PCDHGC3: variants seen among roughly 807,000 people sequenced by gnomAD.
PCDHGC3 encodes protocadherin gamma-C3.
PCDHGC3 carries 26 observed loss-of-function variants against 59.2 expected under a neutral mutation model. The ratio of observed to expected loss-of-function variants is 0.44; its 90% CI spans 0.32 to 0.61. The LOEUF is 0.61. PCDHGC3 is among the 20% of genes least tolerant of loss of function. The pLI is 0.05. For synonymous variants in PCDHGC3, 487 were observed against 519.7 expected (o/e 0.94, Z 0.86); for missense variants, 1,080 against 1,221.8 (o/e 0.88, Z 1.73).
chr5:141,501,381 T>A (rs1261533671), intron 2 of PCDHGC3, among the ~76,000 whole-genome samples: 4 of 151,750 alleles, frequency 2.6e-5, no homozygotes, highest in African/African-American at 9.7e-5. Flanking sequence ...TCTTAAATCC[T>A]AGGTCCTGTC....
At chr5:141,498,980 GGAAGGAA>G in intron 2 of PCDHGC3, among the ~76,000 whole-genome samples, 1 of 44,970 alleles carries the variant, frequency 2.2e-5, no homozygotes, top group South Asian at 1.0e-3. Context: ...AGGGAAGGAA[GGAAGGAA>G]GGAAGGAAGG....
chr5:141,510,252 G>A (rs1342841474), intron 3 of PCDHGC3, among the ~76,000 whole-genome samples: 4 of 148,432 alleles, frequency 2.7e-5, no homozygotes, highest in Admixed American at 1.3e-4. Context: ...CAGGCTGGGC[G>A]ACAGAGCAGG....
chr5:141,490,030 C>G lies in PCDHGC3; in HGVS notation c.2431-4777C>G, dbSNP rs1361758608. The G allele has an allele frequency of 1.2e-6, 2 of 1,614,150 alleles. No individual in the cohort carries two copies. Among genetic ancestry groups the G allele is most frequent in the African/African-American group, 2.7e-5 (2 of 74,936 alleles). The stretch of plus-strand genomic sequence containing the variant: ...ACCCATTGGTACTCTGCTGCTCCGC[C>G]TCAATGCCACTGATCCAGACGAGGG... On this transcript the variant is annotated intron_variant, in intron 1 of 3. Coordinates refer to ENST00000308177, the MANE Select transcript of PCDHGC3 (RefSeq NM_002588.4). This position sits in a 1 kb window ranked among gnomAD's most constrained non-coding sequence, Gnocchi z 5.4.
In PCDHGC3 at chr5:141,511,351, C is replaced by A. The variant is rs1190324197; in HGVS notation, c.*178C>A. 11 of 1,386,432 alleles carry A rather than the reference C, an allele frequency of 7.9e-6. No individual in the cohort carries two copies. Among genetic ancestry groups the A allele is most frequent in the South Asian group, 4.5e-5 (3 of 67,158 alleles). The allele number at this position is 1,386,432 out of a possible 1,614,324, so 85.9% of individuals were successfully genotyped here. On this transcript the variant is annotated 3_prime_UTR_variant, in exon 4 of 4. Transcript: ENST00000308177. ...CCAGTCAGCACCTACCCCTTCCCCC[C>A]CAGGGGGTTGAATATGCAAAAGCAG...
Position 141,478,019 on chromosome 5 carries a change from C to T in PCDHGC3, c.1903C>T (p.Gln635Ter). The change falls in exon 1 of 4, where the codon CAA becomes TAA. Residue 635 changes from glutamine (Q) to a stop codon, truncating the protein, a stop_gained. Transcript: ENST00000308177. LOFTEE classifies it high-confidence loss of function. ...TGQISTARPV[Q>*]DTDSPRQTLT... ...TCAAATCAGTACTGCCCGTCCAGTCCAAGACACAGATTCACCCAGGCAGAC... is the reference window on the plus strand; with the variant it reads ...TCAAATCAGTACTGCCCGTCCAGTCTAAGACACAGATTCACCCAGGCAGAC... 6.2e-7 allele frequency: 1 copy of T among 1,614,136 alleles called. No homozygotes were observed. Among genetic ancestry groups the T allele is most frequent in the Non-Finnish European group, 8.5e-7 (1 of 1,180,018 alleles).
Position 141,486,170 on chromosome 5 carries a change from C to A in PCDHGC3, c.2430+7624C>A. ...TGGGGGTTCTCCAGCCATGGAGCAACATTGCAGCCTTCGAGTGGATCTGCT... is the reference window on the plus strand; with the variant it reads ...TGGGGGTTCTCCAGCCATGGAGCAAAATTGCAGCCTTCGAGTGGATCTGCT... On this transcript the variant is annotated intron_variant, in intron 1 of 3. Coordinates refer to ENST00000308177, the MANE Select transcript of PCDHGC3 (RefSeq NM_002588.4). This position sits in a 1 kb window ranked among gnomAD's most constrained non-coding sequence, Gnocchi z 5.0. 6.2e-7 allele frequency: 1 copy of A among 1,614,234 alleles called. No homozygotes were observed. Among genetic ancestry groups the A allele is most frequent in the African/African-American group, 1.3e-5 (1 of 75,052 alleles).
At chr5:141,505,361 A>G (rs2099845711) in intron 2 of PCDHGC3, 32 bp from the exon 3 acceptor site, 1 of 1,613,910 alleles carries the variant, frequency 6.2e-7, no homozygotes, top group South Asian at 1.1e-5. Context: ...CCGGCCTGGG[A>G]GTCTGTGCTC....
intron 2 of PCDHGC3, among the ~76,000 whole-genome samples, chr5:141,500,008 C>T (rs1027220192): frequency 6.6e-6 from 1 of 151,770 alleles, no homozygotes; most frequent in African/African-American, 2.4e-5. Flanking sequence ...TTCATAAGGT[C>T]CACATTTTAT....
chr5:141,496,083 C>T (rs1267834920), intron 2 of PCDHGC3, among the ~76,000 whole-genome samples: 8 of 151,904 alleles, frequency 5.3e-5, no homozygotes, highest in Admixed American at 3.3e-4. Flanking sequence ...CAACCCCCCA[C>T]CCACCACCCA....
chr5:141,495,386 G>C (rs2099760934), intron 2 of PCDHGC3, among the ~76,000 whole-genome samples: 1 of 152,214 alleles, frequency 6.6e-6, no homozygotes, highest in Non-Finnish European at 1.5e-5. Context: ...GGACTGGGCG[G>C]GGCATGGAGC....
At position 141,477,131 on chromosome 5, in the gene PCDHGC3, TTGG is replaced by T; in HGVS notation, c.1019_1021del (p.Val340del). 1 of 1,614,130 alleles carries T rather than the reference TTGG, an allele frequency of 6.2e-7. No individual in the cohort carries two copies. The highest frequency in any genetic ancestry group is 8.5e-7 in the Non-Finnish European group (1 of 1,180,014). On this transcript the variant is annotated inframe_deletion, in exon 1 of 4. Transcript: ENST00000308177. The surrounding 1 kb of genome is among the most constrained non-coding windows in gnomAD (Gnocchi z 4.9). The stretch of plus-strand genomic sequence containing the variant: ...TCCCGAAGGAGCACATTGCAAAGTG[TTGG>T]TGGAGGTTGTGGATGTGAATGACAA...
chr5:141,499,582 T>C (rs952280239), intron 2 of PCDHGC3, among the ~76,000 whole-genome samples: 7 of 152,164 alleles, frequency 4.6e-5, no homozygotes, highest in African/African-American at 7.2e-5. Flanking sequence ...TAATGCCTTA[T>C]CTTGTTTCAC....
At chr5:141,480,695 C>T (rs2099523656) in intron 1 of PCDHGC3, among the ~76,000 whole-genome samples, 2 of 152,146 alleles carry the variant, frequency 1.3e-5, no homozygotes, top group African/African-American at 4.8e-5. Context: ...GAAACCCAGG[C>T]CACACCCCGA....
rs368927472 is a variant in PCDHGC3 at position 141,490,874 on chromosome 5, A to G, written c.2431-3933A>G. The G allele has an allele frequency of 2.4e-5, 39 of 1,613,830 alleles. No individual in the cohort carries two copies. Among genetic ancestry groups the G allele is most frequent in the Non-Finnish European group, 3.1e-5 (36 of 1,179,960 alleles). ...CGAGACTCCGGCTCTCCCCCATTGCATGCCAACACATCTCTGCATGTGTTT... is the reference window on the plus strand; with the variant it reads ...CGAGACTCCGGCTCTCCCCCATTGCGTGCCAACACATCTCTGCATGTGTTT... On this transcript the variant is annotated intron_variant, in intron 1 of 3. Transcript: ENST00000308177. This position sits in a 1 kb window ranked among gnomAD's most constrained non-coding sequence, Gnocchi z 5.4.
Position 141,487,562 on chromosome 5 carries a change from G to C in PCDHGC3, c.2431-7245G>C. The stretch of plus-strand genomic sequence containing the variant: ...GAAGTCACCCAGTGCACCTATGGCA[G>C]GGGAGCCTGTTCGCCCAAGCTGCCC... On this transcript the variant is annotated intron_variant, in intron 1 of 3. Coordinates refer to ENST00000308177, the MANE Select transcript of PCDHGC3 (RefSeq NM_002588.4). The surrounding 1 kb of genome is among the most constrained non-coding windows in gnomAD (Gnocchi z 5.0). The C allele has an allele frequency of 6.2e-7, 1 of 1,614,178 alleles. No homozygotes were observed.
Position 141,487,246 on chromosome 5 carries a change from C to T in PCDHGC3, c.2431-7561C>T. 1 of 1,614,166 alleles carries T rather than the reference C, an allele frequency of 6.2e-7. No individual in the cohort carries two copies. The highest frequency in any genetic ancestry group is 8.5e-7 in the Non-Finnish European group (1 of 1,180,014). ...GGGAAGGAGAATCTCGTCTAACCCTCTACTTGGCTGTGTCCCTAGTGGCAA... is the reference window on the plus strand; with the variant it reads ...GGGAAGGAGAATCTCGTCTAACCCTTTACTTGGCTGTGTCCCTAGTGGCAA... On this transcript the variant is annotated intron_variant, in intron 1 of 3. Coordinates refer to ENST00000308177, the MANE Select transcript of PCDHGC3 (RefSeq NM_002588.4). This position sits in a 1 kb window ranked among gnomAD's most constrained non-coding sequence, Gnocchi z 5.0.
At chr5:141,483,980 G>A (rs1379963326) in intron 1 of PCDHGC3, among the ~76,000 whole-genome samples, 4 of 148,294 alleles carry the variant, frequency 2.7e-5, no homozygotes, top group Non-Finnish European at 5.9e-5. Flanking sequence ...CAAGGGAGTA[G>A]CTAGGTTGCT....
At chr5:141,480,240 CAA>C (rs11374694) in intron 1 of PCDHGC3, among the ~76,000 whole-genome samples, 8 of 114,006 alleles carry the variant, frequency 7.0e-5, no homozygotes, top group Non-Finnish European at 7.5e-5. Flanking sequence ...CCTGTCTCTA[CAA>C]AAAAAAAAAA....
Position 141,490,350 on chromosome 5 carries a change from G to T in PCDHGC3, c.2431-4457G>T. On this transcript the variant is annotated intron_variant, in intron 1 of 3. Transcript: ENST00000308177. This position sits in a 1 kb window ranked among gnomAD's most constrained non-coding sequence, Gnocchi z 5.4. Reference sequence around the variant, plus strand: ...GCACACCAGTGGGCACAGTAGTGGGGTTGTTTAATGTGCGAGACCGGGACT... The same window carrying T: ...GCACACCAGTGGGCACAGTAGTGGGTTTGTTTAATGTGCGAGACCGGGACT... 2 of 1,614,204 alleles carry T rather than the reference G, an allele frequency of 1.2e-6. No homozygotes were observed. The highest frequency in any genetic ancestry group is 1.7e-6 in the Non-Finnish European group (2 of 1,180,034).
Sources: allele counts gnomAD v4.1 joint callset (sites outside exome capture counted in the v4.1 genomes callset), GRCh38; gene constraint gnomAD v4.1.1; non-coding constraint Gnocchi (gnomAD v3.1); transcripts MANE v1.5; gene names NCBI Gene and HGNC (gene_info 2026-07-23, HGNC 2026-07-21).